The following RALYL variants were observed in gnomAD, a reference collection of about 807,000 sequenced individuals.
RALYL encodes RALY RNA binding protein like.
Under a neutral mutation model 35.1 loss-of-function variants are expected in RALYL, and 29 were observed. The observed-to-expected ratio is 0.83, with a 90% CI of 0.61 to 1.13. RALYL has a LOEUF of 1.13. RALYL is among the 50% of genes most tolerant of loss of function. RALYL has a pLI of 0.00. For missense variants in RALYL, 359 were observed against 360.4 expected (o/e 1.00, Z 0.03); for synonymous variants, 120 against 127.6 (o/e 0.94, Z 0.40).
At chr8:84,612,694 G>A (rs563157049) in intron 2 of RALYL, among the ~76,000 whole-genome samples, 2 of 151,614 alleles carry the variant, frequency 1.3e-5, no homozygotes, top group East Asian at 1.9e-4. Flanking sequence ...AGACAACTCT[G>A]TGCTATTTGG....
chr8:84,365,698 A>G (rs1854095304), intron 1 of RALYL, among the ~76,000 whole-genome samples: 1 of 152,212 alleles, frequency 6.6e-6, no homozygotes, highest in African/African-American at 2.4e-5. Context: ...TACTGATATC[A>G]TATTAATCAA....
At chr8:84,323,193 G>A (rs896586786) in intron 1 of RALYL, among the ~76,000 whole-genome samples, 14 of 151,974 alleles carry the variant, frequency 9.2e-5, no homozygotes, top group Admixed American at 2.0e-4. Context: ...AATGTTAAAT[G>A]AATTGTAATC....
At chr8:84,919,728 G>A (rs903344761) in intron 8 of RALYL, among the ~76,000 whole-genome samples, 2 of 152,002 alleles carry the variant, frequency 1.3e-5, no homozygotes, top group African/African-American at 4.8e-5. Context: ...TTCTTTCCTA[G>A]GGATATAAGT....
intron 1 of RALYL, among the ~76,000 whole-genome samples, chr8:84,219,375 T>C (rs1821622685): frequency 1.3e-5 from 2 of 152,086 alleles, no homozygotes; most frequent in South Asian, 4.1e-4. Context: ...GATTGTAAGT[T>C]TCCTGAGGCC....
intron 1 of RALYL, among the ~76,000 whole-genome samples, chr8:84,329,344 C>A (rs1366904100): frequency 2.0e-5 from 3 of 152,082 alleles, no homozygotes; most frequent in Non-Finnish European, 4.4e-5. Flanking sequence ...ATTAGCATTT[C>A]TCTGATGATT....
intron 2 of RALYL, among the ~76,000 whole-genome samples, chr8:84,566,121 T>C (rs1230234711): frequency 1.3e-5 from 2 of 151,528 alleles, no homozygotes; most frequent in Non-Finnish European, 3.0e-5. Context: ...CTGTAGGTCA[T>C]TTGGATGTCA....
intron 1 of RALYL, among the ~76,000 whole-genome samples, chr8:84,478,066 T>G (rs1210081276): frequency 6.6e-6 from 1 of 152,142 alleles, no homozygotes; most frequent in Non-Finnish European, 1.5e-5. Context: ...GACTCCTGTC[T>G]CATTTCTTCA....
chr8:84,548,469 T>A (rs1038845851), intron 2 of RALYL, among the ~76,000 whole-genome samples: 1 of 152,212 alleles, frequency 6.6e-6, no homozygotes. Context: ...ATAATTTTGT[T>A]TTTTTGTGGC....
At chr8:84,523,518 TA>T (rs1278986939) in intron 1 of RALYL, among the ~76,000 whole-genome samples, 2 of 151,530 alleles carry the variant, frequency 1.3e-5, no homozygotes. Context: ...TTTATTTTTT[TA>T]TTTTTTTTAT....
chr8:84,519,306 G>C (rs994055432), intron 1 of RALYL, among the ~76,000 whole-genome samples: 1 of 152,112 alleles, frequency 6.6e-6, no homozygotes, highest in Non-Finnish European at 1.5e-5. Flanking sequence ...ACAGTTTCTG[G>C]GCATTCTCAG....
intron 1 of RALYL, among the ~76,000 whole-genome samples, chr8:84,293,459 T>A (rs1839159305): frequency 6.6e-6 from 1 of 152,090 alleles, no homozygotes; most frequent in African/African-American, 2.4e-5. Context: ...TAGGAACACT[T>A]GGGATCTACA....
Position 84,920,932 on chromosome 8 carries a change from CA to C in RALYL, c.*22del. The C allele has an allele frequency of 7.0e-7, 1 of 1,429,478 alleles. No individual in the cohort carries two copies. The highest frequency in any genetic ancestry group is 1.8e-4 in the Middle Eastern group (1 of 5,600). The allele number at this position is 1,429,478 out of a possible 1,614,324, so 88.5% of individuals were successfully genotyped here. Reference sequence around the variant, plus strand: ...AGTGATCTGAAATAACGCATGATGCCACAAAGCAGAAAAGAGAAACTGTGAC... The same window carrying C: ...AGTGATCTGAAATAACGCATGATGCCCAAAGCAGAAAAGAGAAACTGTGAC... On this transcript the variant is annotated 3_prime_UTR_variant, in exon 9 of 9. Transcript: ENST00000521268.
At chr8:84,543,717 T>C (rs549059230) in intron 2 of RALYL, among the ~76,000 whole-genome samples, 2 of 152,010 alleles carry the variant, frequency 1.3e-5, no homozygotes, top group Non-Finnish European at 2.9e-5. Flanking sequence ...GACATAACTC[T>C]AAGAGTCTTT....
chr8:84,724,646 C>T (rs1298935729), intron 2 of RALYL, among the ~76,000 whole-genome samples: 1 of 151,666 alleles, frequency 6.6e-6, no homozygotes, highest in Non-Finnish European at 1.5e-5. Flanking sequence ...CATTTTAAAA[C>T]CAAGACCAGA....
chr8:84,559,180 A>G (rs2061329514), intron 2 of RALYL, among the ~76,000 whole-genome samples: 1 of 151,982 alleles, frequency 6.6e-6, no homozygotes, highest in African/African-American at 2.4e-5. Flanking sequence ...ATGATAAAAT[A>G]ATGTTTTTCT....
chr8:84,852,408 A>C (rs956382678), intron 5 of RALYL, among the ~76,000 whole-genome samples: 13 of 152,210 alleles, frequency 8.5e-5, no homozygotes, highest in Admixed American at 2.0e-4. Context: ...CAGCATTAAA[A>C]TAATCCCATT....
chr8:84,814,659 G>GTTAT (rs1826753770), intron 4 of RALYL, among the ~76,000 whole-genome samples: 1 of 152,052 alleles, frequency 6.6e-6, no homozygotes, highest in South Asian at 2.1e-4. Context: ...GTTACAAGAA[G>GTTAT]TTATTTCCTT....
chr8:84,797,837 ATCT>A (rs2133931088), intron 3 of RALYL, among the ~76,000 whole-genome samples: 1 of 152,254 alleles, frequency 6.6e-6, no homozygotes, highest in South Asian at 2.1e-4. Context: ...TTCAGAGATA[ATCT>A]TCTCTTCTTT....
intron 1 of RALYL, among the ~76,000 whole-genome samples, chr8:84,423,286 C>G (rs1389345542): frequency 1.2e-4 from 18 of 151,194 alleles, no homozygotes; most frequent in Admixed American, 3.9e-4. Context: ...TTGAATTGAT[C>G]CCTTTACCAT....
Sources: gnomAD v4.1 joint callset for allele counts (sites outside exome capture counted in the v4.1 genomes callset) on GRCh38, gnomAD v4.1.1 for gene constraint, MANE v1.5 for transcripts, NCBI Gene and HGNC (gene_info 2026-07-23, HGNC 2026-07-21) for gene names.